The following PARD3B variants were observed in gnomAD, a reference collection of about 807,000 sequenced individuals.
PARD3B encodes the protein par-3 family cell polarity regulator beta, also known as partitioning defective 3 homolog B.
PARD3B carries 103 observed loss-of-function variants against 130.2 expected under a neutral mutation model. The ratio of observed to expected loss-of-function variants is 0.79; its 90% CI spans 0.67 to 0.93. The LOEUF is 0.93. Among genes scored for constraint, PARD3B ranks in the 40% least tolerant of loss-of-function variants. PARD3B has a pLI of 0.00. For missense variants in PARD3B, 1,609 were observed against 1,499.2 expected (o/e 1.07, Z -1.21); for synonymous variants, 583 against 553.2 (o/e 1.05, Z -0.76).
chr2:205,105,659 C>T lies in PARD3B; in HGVS notation c.593+1145C>T, dbSNP rs536997308. Among the ~76,000 whole-genome samples the T allele has an allele frequency of 4.6e-5, 7 of 151,908 alleles. No individual in the cohort carries two copies. Among genetic ancestry groups the T allele is most frequent in the Non-Finnish European group, 1.0e-4 (7 of 67,976 alleles). ...TACAGTATTAAAAATTTGATGGAAA[C>T]TAGGCTAGGTGGTGCCTGCCTATCA... On this transcript the variant is annotated intron_variant, in intron 5 of 22. Transcript: ENST00000406610. This position sits in a 1 kb window ranked among gnomAD's most constrained non-coding sequence, Gnocchi z 4.0.
At chr2:205,548,326 A>G (rs146473596) in intron 21 of PARD3B, among the ~76,000 whole-genome samples, 98 of 152,228 alleles carry the variant, frequency 6.4e-4, no homozygotes, top group African/African-American at 2.2e-3. Context: ...ATACTCAACG[A>G]TCAGACATCT....
chr2:205,442,290 C>CTTTTTTTTT (rs71410814), intron 20 of PARD3B, among the ~76,000 whole-genome samples: 17 of 105,992 alleles, frequency 1.6e-4, no homozygotes, highest in African/African-American at 6.8e-4. Context: ...ACAGGTTTTC[C>CTTTTTTTTT]TTTTTTTTTT....
At chr2:205,044,316 T>C (rs1192747291) in intron 3 of PARD3B, among the ~76,000 whole-genome samples, 4 of 147,454 alleles carry the variant, frequency 2.7e-5, no homozygotes, top group Non-Finnish European at 6.0e-5. Context: ...TTTGGGTATA[T>C]ACCCAGTAAT....
intron 15 of PARD3B, among the ~76,000 whole-genome samples, chr2:205,237,098 T>C (rs1375183391): frequency 1.3e-5 from 2 of 152,128 alleles, no homozygotes. Context: ...TTTGTTTGTT[T>C]GTTTGTTTGT....
At chr2:205,395,843 A>G (rs2046009415) in intron 18 of PARD3B, among the ~76,000 whole-genome samples, 1 of 152,186 alleles carries the variant, frequency 6.6e-6, no homozygotes, top group Non-Finnish European at 1.5e-5. Context: ...TGCTCAAAAC[A>G]CTTGGTTCCT....
intron 1 of PARD3B, among the ~76,000 whole-genome samples, chr2:204,631,219 T>G (rs767563810): frequency 9.2e-5 from 14 of 151,432 alleles, no homozygotes; most frequent in Non-Finnish European, 2.1e-4. Context: ...CCCAAAGTCA[T>G]TGTACCGATG....
intron 3 of PARD3B, among the ~76,000 whole-genome samples, chr2:204,988,336 G>C (rs1693356060): frequency 6.6e-6 from 1 of 152,176 alleles, no homozygotes; most frequent in East Asian, 1.9e-4. Context: ...GGTTACCAGA[G>C]GCTGAGAAGG....
At chr2:204,649,218 G>A (rs1431321184) in intron 1 of PARD3B, among the ~76,000 whole-genome samples, 2 of 150,942 alleles carry the variant, frequency 1.3e-5, no homozygotes, top group Non-Finnish European at 2.9e-5. Flanking sequence ...GTCAAGTGAT[G>A]TTGAACATGT....
intron 1 of PARD3B, among the ~76,000 whole-genome samples, chr2:204,561,583 A>G (rs752527551): frequency 4.1e-5 from 6 of 145,932 alleles, no homozygotes. Context: ...CTATGTACTC[A>G]TCTCCCTTGT....
At chr2:205,197,041 G>T (rs1574356342) in intron 15 of PARD3B, among the ~76,000 whole-genome samples, 1 of 149,404 alleles carries the variant, frequency 6.7e-6, no homozygotes. Context: ...GGGTGTGTGT[G>T]TGTGTGTGTG....
chr2:205,431,571 G>T (rs1047591467), intron 19 of PARD3B, among the ~76,000 whole-genome samples: 6 of 151,550 alleles, frequency 4.0e-5, no homozygotes, highest in Non-Finnish European at 5.9e-5. Context: ...CCCGGTTCTT[G>T]CCATTCTCCT....
At chr2:205,600,192 A>C (rs1366458957) in intron 22 of PARD3B, among the ~76,000 whole-genome samples, 1 of 152,230 alleles carries the variant, frequency 6.6e-6, no homozygotes, top group Non-Finnish European at 1.5e-5. Flanking sequence ...ACAGCCATGA[A>C]TAGCTAAGAG....
At chr2:205,400,538 G>A (rs986647267) in intron 18 of PARD3B, among the ~76,000 whole-genome samples, 1 of 152,026 alleles carries the variant, frequency 6.6e-6, no homozygotes, top group African/African-American at 2.4e-5. Flanking sequence ...CTACTCAGGA[G>A]GCTGAGGCAC....
At chr2:205,507,504 G>A (rs1270478044) in intron 21 of PARD3B, among the ~76,000 whole-genome samples, 1 of 151,976 alleles carries the variant, frequency 6.6e-6, no homozygotes, top group Middle Eastern at 3.4e-3. Flanking sequence ...TTGAGCCACC[G>A]CACCCGGCCA....
chr2:204,731,278 G>T (rs1399374245), intron 2 of PARD3B, among the ~76,000 whole-genome samples: 1 of 152,170 alleles, frequency 6.6e-6, no homozygotes, highest in East Asian at 1.9e-4. Flanking sequence ...AGTTTACAAT[G>T]CTTTATCATC....
rs1339000945 is a variant in PARD3B, at chr2:205,407,572, A to AT, written c.2741+6451dup. Among the ~76,000 whole-genome samples, 3 of 152,208 alleles carry AT rather than the reference A, an allele frequency of 2.0e-5. No individual in the cohort carries two copies. The highest frequency in any genetic ancestry group is 4.4e-5 in the Non-Finnish European group (3 of 68,032). ...TTTGTAACCTTTTACAAAGTATGAA[A>AT]TTAATCAGAATCTTGGACCTGTAAA... On this transcript the variant is annotated intron_variant, in intron 19 of 22. Transcript: ENST00000406610. This position sits in a 1 kb window ranked among gnomAD's most constrained non-coding sequence, Gnocchi z 4.1.
At position 204,906,815 on chromosome 2, in the gene PARD3B, G is replaced by A. The variant is rs185758600; in HGVS notation, c.223-58337G>A. On this transcript the variant is annotated intron_variant, in intron 2 of 22. Coordinates refer to ENST00000406610, the MANE Select transcript of PARD3B (RefSeq NM_001302769.2). The surrounding 1 kb of genome is among the most constrained non-coding windows in gnomAD (Gnocchi z 4.3). ...TTTTACATTGGATTATTTCATCTGCGTGGTTTTGTACACCATTTGAATTGG... is the reference window on the plus strand; with the variant it reads ...TTTTACATTGGATTATTTCATCTGCATGGTTTTGTACACCATTTGAATTGG... Among the ~76,000 whole-genome samples, 11 of 152,172 alleles carry A rather than the reference G, an allele frequency of 7.2e-5. No individual in the cohort carries two copies. The highest frequency in any genetic ancestry group is 1.2e-4 in the Non-Finnish European group (8 of 68,010).
At chr2:204,924,872 G>T (rs543650794) in intron 2 of PARD3B, among the ~76,000 whole-genome samples, 1 of 152,138 alleles carries the variant, frequency 6.6e-6, no homozygotes, top group South Asian at 2.1e-4. Context: ...TGCAAAAACT[G>T]TATATTGAGC....
chr2:204,874,801 G>A (rs2045771052), intron 2 of PARD3B, among the ~76,000 whole-genome samples: 1 of 152,100 alleles, frequency 6.6e-6, no homozygotes. Flanking sequence ...CCCTAGCTTG[G>A]TTCTACAAGT....
Sources: gnomAD v4.1 joint callset for allele counts (sites outside exome capture counted in the v4.1 genomes callset) on GRCh38, gnomAD v4.1.1 for gene constraint, Gnocchi (gnomAD v3.1) non-coding constraint, MANE v1.5 for transcripts, NCBI Gene and HGNC (gene_info 2026-07-23, HGNC 2026-07-21) for gene names.